The following LRMDA variants were observed in gnomAD, a reference collection of about 807,000 sequenced individuals.
LRMDA encodes leucine-rich melanocyte differentiation-associated protein.
A neutral mutation model predicts 29.8 loss-of-function variants in LRMDA; 18 were observed. That is an observed-to-expected ratio of 0.60 (90% CI 0.42 to 0.90). LRMDA has a LOEUF of 0.90. Ranked by LOEUF, LRMDA falls within the 40% of genes least tolerant of loss-of-function variation. The pLI is 0.00. For synonymous variants in LRMDA, 125 were observed against 109.4 expected (o/e 1.14, Z -0.89); for missense variants, 273 against 273.9 (o/e 1.00, Z 0.02).
intron 6 of LRMDA, among the ~76,000 whole-genome samples, chr10:76,507,730 C>T (rs1044864675): frequency 1.3e-5 from 2 of 151,980 alleles, no homozygotes; most frequent in Non-Finnish European, 1.5e-5. Flanking sequence ...CAGTTTTTCC[C>T]ACACCAATCA....
chr10:75,585,632 A>G (rs1344942017), intron 2 of LRMDA, among the ~76,000 whole-genome samples: 1 of 152,210 alleles, frequency 6.6e-6, no homozygotes, highest in Non-Finnish European at 1.5e-5. Context: ...TATGTCATAC[A>G]CTTGGCACTA....
At chr10:75,759,185 G>A (rs936150604) in intron 2 of LRMDA, among the ~76,000 whole-genome samples, 1 of 152,174 alleles carries the variant, frequency 6.6e-6, no homozygotes, top group Non-Finnish European at 1.5e-5. Context: ...CAGTGGTGCT[G>A]CACTATGTAG....
intron 2 of LRMDA, among the ~76,000 whole-genome samples, chr10:75,718,911 T>C (rs1354102627): frequency 1.3e-5 from 2 of 152,210 alleles, no homozygotes; most frequent in Admixed American, 6.5e-5. Flanking sequence ...GACAAATATC[T>C]CAGTCAATAA....
Position 76,098,582 on chromosome 10 carries a change from T to TC in LRMDA, c.516+39800dup, listed in dbSNP as rs1438661951. Among the ~76,000 whole-genome samples, 4 of 152,202 alleles carry TC rather than the reference T, an allele frequency of 2.6e-5. No individual in the cohort carries two copies. The East Asian group carries it at 7.7e-4, about 29-fold the overall frequency. On this transcript the variant is annotated intron_variant, in intron 5 of 6. Coordinates refer to ENST00000611255, the MANE Select transcript of LRMDA (RefSeq NM_001305581.2). ...ACAACTTGTACTTTCTTCTTTTTTT[T>TC]CATATTAAATCTGACTAGAAGTCTA... is the stretch of plus-strand genomic sequence containing the variant.
At chr10:75,802,704 A>C (rs753045626) in intron 2 of LRMDA, among the ~76,000 whole-genome samples, 5 of 152,136 alleles carry the variant, frequency 3.3e-5, no homozygotes, top group Non-Finnish European at 7.4e-5. Flanking sequence ...CTGGCACATA[A>C]TAAGTGCGTA....
chr10:76,380,670 TAA>T (rs531185581), intron 6 of LRMDA, among the ~76,000 whole-genome samples: 2 of 54,748 alleles, frequency 3.7e-5, no homozygotes, highest in African/African-American at 5.7e-5. Flanking sequence ...CTCCACTTCA[TAA>T]AAAAAAAAAA....
intron 5 of LRMDA, among the ~76,000 whole-genome samples, chr10:76,281,538 C>T (rs1840204673): frequency 6.6e-6 from 1 of 152,138 alleles, no homozygotes; most frequent in Non-Finnish European, 1.5e-5. Flanking sequence ...AATCCACATC[C>T]TTTATACTCA....
chr10:76,317,443 G>A (rs993251974), intron 5 of LRMDA, among the ~76,000 whole-genome samples: 4 of 151,898 alleles, frequency 2.6e-5, no homozygotes, highest in Non-Finnish European at 4.4e-5. Flanking sequence ...TGATGGACTA[G>A]GCATTATTTC....
In LRMDA at chr10:75,933,943, A is replaced by C. The variant is rs192410393; in HGVS notation, c.132-102065A>C. Among the ~76,000 whole-genome samples, 305 of 152,338 alleles carry C rather than the reference A, an allele frequency of 2.0e-3. 2 individuals are homozygous for C. Among genetic ancestry groups the C allele is most frequent in the African/African-American group, 7.0e-3 (293 of 41,582 alleles). The stretch of plus-strand genomic sequence containing the variant: ...TCCAGCTGTAAAGGTAATATACTGC[A>C]CAGCTGTAAACAGCATCCCTAAGAA... On this transcript the variant is annotated intron_variant, in intron 2 of 6. Transcript: ENST00000611255.
chr10:75,741,748 C>T (rs1434713121), intron 2 of LRMDA, among the ~76,000 whole-genome samples: 3 of 152,194 alleles, frequency 2.0e-5, no homozygotes, highest in Non-Finnish European at 4.4e-5. Context: ...GTTCCATCAA[C>T]AAGTACATGT....
chr10:75,458,574 A>C (rs1007297313), intron 2 of LRMDA, among the ~76,000 whole-genome samples: 1 of 152,252 alleles, frequency 6.6e-6, no homozygotes, highest in African/African-American at 2.4e-5. Flanking sequence ...TAAGAAAGCC[A>C]AACGTCAGAG....
intron 6 of LRMDA, among the ~76,000 whole-genome samples, chr10:76,478,517 T>TA (rs1381336626): frequency 1.3e-5 from 2 of 152,212 alleles, no homozygotes; most frequent in African/African-American, 4.8e-5. Flanking sequence ...GAACTAGAAA[T>TA]ATCATTTGAC....
intron 5 of LRMDA, among the ~76,000 whole-genome samples, chr10:76,115,444 G>A (rs572485799): frequency 6.6e-6 from 1 of 152,350 alleles, no homozygotes; most frequent in East Asian, 1.9e-4. Flanking sequence ...ACGCTGTGGT[G>A]TTGATAGGCA....
intron 5 of LRMDA, among the ~76,000 whole-genome samples, chr10:76,141,856 C>T (rs1850207417): frequency 1.3e-5 from 2 of 152,064 alleles, no homozygotes; most frequent in African/African-American, 2.4e-5. Context: ...CATAACTGTC[C>T]TCCTAGTTAT....
chr10:75,902,921 G>A (rs1845699635), intron 2 of LRMDA, among the ~76,000 whole-genome samples: 1 of 152,120 alleles, frequency 6.6e-6, no homozygotes, highest in African/African-American at 2.4e-5. Flanking sequence ...TCTGGCCAGA[G>A]AAATGTCCCC....
chr10:76,470,108 A>T (rs2132316010), intron 6 of LRMDA, among the ~76,000 whole-genome samples: 1 of 152,270 alleles, frequency 6.6e-6, no homozygotes, highest in African/African-American at 2.4e-5. Context: ...TCTTTCAAAT[A>T]TGAAGGTGAA....
At chr10:76,003,256 G>A (rs1237406453) in intron 2 of LRMDA, among the ~76,000 whole-genome samples, 1 of 152,152 alleles carries the variant, frequency 6.6e-6, no homozygotes, top group Non-Finnish European at 1.5e-5. Flanking sequence ...GAAAATCAGA[G>A]GCCATGAGTA....
At chr10:75,954,249 T>A (rs1589265485) in intron 2 of LRMDA, among the ~76,000 whole-genome samples, 1 of 152,266 alleles carries the variant, frequency 6.6e-6, no homozygotes, top group African/African-American at 2.4e-5. Flanking sequence ...GGCCTTGTGA[T>A]ACCCTGAGCA....
chr10:76,094,553 T>C (rs531561236), intron 5 of LRMDA, among the ~76,000 whole-genome samples: 3 of 152,114 alleles, frequency 2.0e-5, no homozygotes, highest in Non-Finnish European at 4.4e-5. Context: ...TTTGAAAATA[T>C]ATATTACATC....
Sources: allele counts gnomAD v4.1 joint callset (sites outside exome capture counted in the v4.1 genomes callset), GRCh38; gene constraint gnomAD v4.1.1; transcripts MANE v1.5; gene names NCBI Gene and HGNC (gene_info 2026-07-23, HGNC 2026-07-21).